ROBO2: variants seen among roughly 807,000 people sequenced by gnomAD.
The protein encoded by ROBO2 is roundabout guidance receptor 2, also known as roundabout homolog 2.
A neutral mutation model predicts 160.8 loss-of-function variants in ROBO2; 53 were observed. The ratio of observed to expected loss-of-function variants is 0.33; its 90% CI spans 0.26 to 0.41. ROBO2 has a LOEUF of 0.41. ROBO2 is among the 10% of genes least tolerant of loss of function. ROBO2 has a pLI of 1.00. For missense variants in ROBO2, 1,577 were observed against 1,722.4 expected (o/e 0.92, Z 1.49); for synonymous variants, 664 against 611.7 (o/e 1.09, Z -1.26).
chr3:77,249,035 A>G (rs1318648758), intron 2 of ROBO2, among the ~76,000 whole-genome samples: 2 of 152,040 alleles, frequency 1.3e-5, no homozygotes, highest in Non-Finnish European at 2.9e-5. Context: ...TGTTTTTAGT[A>G]GAGAAGGGGT....
intron 2 of ROBO2, among the ~76,000 whole-genome samples, chr3:76,462,680 A>G (rs1332482743): frequency 6.6e-6 from 1 of 152,136 alleles, no homozygotes; most frequent in East Asian, 1.9e-4. Flanking sequence ...AAGAGGAAAT[A>G]TAGCTTGTTT....
intron 6 of ROBO2, among the ~76,000 whole-genome samples, chr3:77,523,614 G>C (rs1194232850): frequency 6.6e-6 from 1 of 151,314 alleles, no homozygotes; most frequent in Non-Finnish European, 1.5e-5. Flanking sequence ...TAAATTAACT[G>C]TCTTTTCAGT....
At chr3:76,042,719 A>G (rs2067310127) in intron 2 of ROBO2, among the ~76,000 whole-genome samples, 2 of 152,188 alleles carry the variant, frequency 1.3e-5, no homozygotes, top group South Asian at 4.1e-4. Context: ...AAATCAACTC[A>G]TGACTTAGAA....
In ROBO2 at chr3:76,538,031, ACTT is replaced by A. The variant is rs745536727; in HGVS notation, c.110-559977_110-559975del. ...CGGTGAAGGCAGGAACTGGGGTTTC[ACTT>A]CTTCTGTGGTTTTTCGGCTGCTCCA... On this transcript the variant is annotated intron_variant, in intron 2 of 26. Transcript: ENST00000487694. Among the ~76,000 whole-genome samples the A allele has an allele frequency of 1.2e-4, 19 of 152,120 alleles. No homozygotes were observed. The East Asian group carries it at 1.6e-3, about 12-fold the overall frequency.
rs576943220 is a variant in ROBO2 at position 76,601,731 on chromosome 3, G to T, written c.110-496283G>T. Among the ~76,000 whole-genome samples the T allele has an allele frequency of 2.0e-4, 30 of 152,324 alleles. No individual in the cohort carries two copies. In the East Asian group the frequency reaches 5.4e-3, roughly 28 times the overall value. On this transcript the variant is annotated intron_variant, in intron 2 of 26. Transcript: ENST00000487694. ...GGGTTGCTGTGAAGACCTCTGCCATGCCCTGGAGCCATTTTCCCCCATAGT... is the reference window on the plus strand; with the variant it reads ...GGGTTGCTGTGAAGACCTCTGCCATTCCCTGGAGCCATTTTCCCCCATAGT...
At chr3:75,931,160 A>T (rs1947515865) in intron 1 of ROBO2, among the ~76,000 whole-genome samples, 1 of 152,050 alleles carries the variant, frequency 6.6e-6, no homozygotes, top group African/African-American at 2.4e-5. Context: ...TATTTCATCC[A>T]ATTCACAGGT....
chr3:75,949,015 T>C (rs892406133), intron 2 of ROBO2, among the ~76,000 whole-genome samples: 4 of 152,132 alleles, frequency 2.6e-5, no homozygotes, highest in African/African-American at 9.6e-5. Context: ...GAATGATAAA[T>C]GTGTAACTCT....
chr3:76,368,952 T>G (rs990045111), intron 2 of ROBO2, among the ~76,000 whole-genome samples: 7 of 152,010 alleles, frequency 4.6e-5, no homozygotes, highest in African/African-American at 1.2e-4. Context: ...AATGTTAGTC[T>G]ACTTGTGAAC....
At chr3:76,594,379 C>T (rs888772099) in intron 2 of ROBO2, among the ~76,000 whole-genome samples, 1 of 151,878 alleles carries the variant, frequency 6.6e-6, no homozygotes. Flanking sequence ...TTATTATCAT[C>T]ATTTGGGTTA....
intron 24 of ROBO2, among the ~76,000 whole-genome samples, chr3:77,635,417 C>T (rs935507368): frequency 5.9e-5 from 9 of 152,156 alleles, no homozygotes; most frequent in Middle Eastern, 3.4e-3. Flanking sequence ...GCTGCTATTT[C>T]ACTTTTGGAA....
At chr3:76,953,152 G>T (rs1427224230) in intron 2 of ROBO2, among the ~76,000 whole-genome samples, 1 of 152,188 alleles carries the variant, frequency 6.6e-6, no homozygotes, top group Non-Finnish European at 1.5e-5. Flanking sequence ...TTACTAGCTT[G>T]AGAAGGTTGA....
intron 2 of ROBO2, among the ~76,000 whole-genome samples, chr3:77,410,575 C>CCTCTTCCTCCTCCTCTTCCTCCTCCTG (rs2076651878): frequency 2.3e-5 from 3 of 127,676 alleles, no homozygotes; most frequent in South Asian, 3.1e-4. Flanking sequence ...TCTTCCTCCT[C>CCTCTTCCTCCTCCTCTTCCTCCTCCTG]CTCTTCCTCC....
At chr3:76,613,140 C>T (rs1462933378) in intron 2 of ROBO2, among the ~76,000 whole-genome samples, 1 of 152,114 alleles carries the variant, frequency 6.6e-6, no homozygotes, top group African/African-American at 2.4e-5. Flanking sequence ...TTACTCCTGC[C>T]ATTTTTTACT....
At chr3:76,118,714 T>G (rs1461523727) in intron 2 of ROBO2, among the ~76,000 whole-genome samples, 4 of 152,336 alleles carry the variant, frequency 2.6e-5, no homozygotes, top group Middle Eastern at 3.4e-3. Flanking sequence ...TTTCCACATA[T>G]AGACTGTATA....
At chr3:76,803,880 A>C (rs1361131310) in intron 2 of ROBO2, among the ~76,000 whole-genome samples, 1 of 152,214 alleles carries the variant, frequency 6.6e-6, no homozygotes, top group African/African-American at 2.4e-5. Flanking sequence ...TATGATTCTT[A>C]TTATTGACGA....
chr3:76,748,054 A>G (rs2108169696), intron 2 of ROBO2, among the ~76,000 whole-genome samples: 2 of 152,116 alleles, frequency 1.3e-5, no homozygotes, highest in Middle Eastern at 3.4e-3. Context: ...ACTCATCTAC[A>G]CAGGTTGCTA....
intron 2 of ROBO2, among the ~76,000 whole-genome samples, chr3:77,194,456 A>G (rs1242696953): frequency 6.6e-6 from 1 of 152,186 alleles, no homozygotes; most frequent in Admixed American, 6.5e-5. Flanking sequence ...TTCTTACATT[A>G]AAATCTTCTG....
At chr3:76,498,683 CTT>C (rs71101892) in intron 2 of ROBO2, among the ~76,000 whole-genome samples, 15 of 130,814 alleles carry the variant, frequency 1.1e-4, no homozygotes, top group Admixed American at 1.6e-4. Context: ...AGTTTGTCTG[CTT>C]TTTTTTTTTT....
At chr3:77,470,030 C>A (rs1390577818) in intron 2 of ROBO2, among the ~76,000 whole-genome samples, 5 of 152,110 alleles carry the variant, frequency 3.3e-5, no homozygotes, top group Admixed American at 3.3e-4. Context: ...AGTAAGAGAA[C>A]AAAGGGACAG....
Sources: allele counts gnomAD v4.1 joint callset (sites outside exome capture counted in the v4.1 genomes callset), GRCh38; gene constraint gnomAD v4.1.1; transcripts MANE v1.5; gene names NCBI Gene and HGNC (gene_info 2026-07-23, HGNC 2026-07-21).